DAPK1: variants seen among roughly 807,000 people sequenced by gnomAD.
DAPK1 encodes the protein death-associated protein kinase 1.
Under a neutral mutation model 144.9 loss-of-function variants are expected in DAPK1, and 56 were observed. The ratio of observed to expected loss-of-function variants is 0.39; its 90% CI spans 0.31 to 0.48. The LOEUF is 0.48. Ranked by LOEUF, DAPK1 falls within the 20% of genes least tolerant of loss-of-function variation. The pLI, the probability that DAPK1 is intolerant of heterozygous loss-of-function variation, is 0.95. For missense variants in DAPK1, 1,454 were observed against 1,875.4 expected, an observed-to-expected ratio of 0.78 and a Z score of 4.15; for synonymous variants, 690 against 749.0, an observed-to-expected ratio of 0.92 and a Z score of 1.29.
chr9:87,633,901 T>G (rs1829796750), intron 3 of DAPK1, among the ~76,000 whole-genome samples: 1 of 152,174 alleles, frequency 6.6e-6, no homozygotes, highest in Admixed American at 6.5e-5. Flanking sequence ...TATTAAGAAC[T>G]ATACTTAGGA....
In DAPK1 at chr9:87,706,415, C is replaced by T. The variant is rs1473844345; in HGVS notation, c.3344C>T (p.Ser1115Phe). 1.2e-6 allele frequency: 2 copies of T among 1,613,244 alleles called. No individual in the cohort carries two copies. Among genetic ancestry groups the T allele is most frequent in the Non-Finnish European group, 1.7e-6 (2 of 1,179,512 alleles). Residue 1115 changes from serine to phenylalanine, a missense_variant, in exon 26 of 26, where the codon TCC (serine) becomes TTC (phenylalanine). By Grantham distance (155) the Ser-to-Phe change is radical. Coordinates refer to ENST00000408954, the MANE Select transcript of DAPK1 (RefSeq NM_004938.4). This position sits in a 1 kb window ranked among gnomAD's most constrained non-coding sequence, Gnocchi z 9.0. ...ATCAAGACAGACAACCTGCACCGCT[C>T]CTGGGCTGATGAGGAGGACGAGGTG... ...ALIKTDNLHRSWADEEDEVMV... is the reference protein window; with the variant it reads ...ALIKTDNLHRFWADEEDEVMV...
At chr9:87,512,008 G>A (rs557327680) in intron 2 of DAPK1, among the ~76,000 whole-genome samples, 7 of 151,820 alleles carry the variant, frequency 4.6e-5, no homozygotes, top group African/African-American at 4.8e-5. Flanking sequence ...CACCACGCCC[G>A]GCCTGATTTT....
chr9:87,517,436 C>G (rs975755351), intron 2 of DAPK1, among the ~76,000 whole-genome samples: 3 of 152,082 alleles, frequency 2.0e-5, no homozygotes, highest in African/African-American at 7.2e-5. Context: ...CCCCACTGTT[C>G]TCTCCCCCAC....
In DAPK1 at chr9:87,604,993, C is replaced by A. The variant is rs1328698228; in HGVS notation, c.102C>A (p.Ser34Arg). The A allele has an allele frequency of 1.1e-5, 18 of 1,614,132 alleles. No individual in the cohort carries two copies. The highest frequency in any genetic ancestry group is 1.4e-5 in the Non-Finnish European group (17 of 1,180,008). Residue 34 changes from serine to arginine, a missense_variant, in exon 3 of 26, where the codon AGC (serine) becomes AGA (arginine). This residue lies in a region of DAPK1 where 429 missense variants were observed against 637.5 expected (regional missense o/e 0.67). Transcript: ENST00000408954. Reference sequence around the variant, plus strand: ...TTGTGAAGAAATGCCGTGAGAAAAGCACCGGCCTCCAGTATGCCGCCAAAT... The same window carrying A: ...TTGTGAAGAAATGCCGTGAGAAAAGAACCGGCCTCCAGTATGCCGCCAAAT... ...FAVVKKCREK[S>R]TGLQYAAKFI...
Position 87,698,658 on chromosome 9 carries a change from TTCGGTGGCAA to T in DAPK1, c.2615_2624del (p.Phe872CysfsTer2), listed in dbSNP as rs763124644. On this transcript the variant is annotated frameshift_variant, in exon 23 of 26. Transcript: ENST00000408954. LOFTEE classifies it high-confidence loss of function. ...AGCAGTTCCCTCTCTGCCCCCAGCCTTCGGTGGCAAGCTGAAGAACCCACTCCAAGTTGTC... is the reference window on the plus strand; with the variant it reads ...AGCAGTTCCCTCTCTGCCCCCAGCCTGCTGAAGAACCCACTCCAAGTTGTC... 1 of 1,603,176 alleles carries T rather than the reference TTCGGTGGCAA, an allele frequency of 6.2e-7. No individual in the cohort carries two copies. The highest frequency in any genetic ancestry group is 1.7e-5 in the Admixed American group (1 of 59,966).
chr9:87,570,194 A>G (rs1827278326), intron 2 of DAPK1, among the ~76,000 whole-genome samples: 1 of 152,138 alleles, frequency 6.6e-6, no homozygotes, highest in South Asian at 2.1e-4. Flanking sequence ...AATATTACTA[A>G]AGCTTTTATG....
chr9:87,569,095 A>G (rs1827240002), intron 2 of DAPK1, among the ~76,000 whole-genome samples: 1 of 152,184 alleles, frequency 6.6e-6, no homozygotes, highest in Non-Finnish European at 1.5e-5. Flanking sequence ...AGTGGTTCTC[A>G]GCCTTGGCTG....
chr9:87,614,730 G>T (rs1829038209), intron 3 of DAPK1, among the ~76,000 whole-genome samples: 1 of 152,168 alleles, frequency 6.6e-6, no homozygotes, highest in African/African-American at 2.4e-5. Context: ...GCTCCAGTAT[G>T]TTCCCCATCC....
intron 17 of DAPK1, among the ~76,000 whole-genome samples, chr9:87,656,636 A>C (rs994941528): frequency 6.6e-6 from 1 of 152,204 alleles, no homozygotes; most frequent in South Asian, 2.1e-4. Flanking sequence ...ACTAGCCGGG[A>C]ATTGGAGCTG....
chr9:87,646,570 T>C lies in DAPK1; in HGVS notation c.1230+11T>C. 1 of 1,592,594 alleles carries C rather than the reference T, an allele frequency of 6.3e-7. No homozygotes were observed. On this transcript the variant is annotated intron_variant, in intron 13 of 25. Transcript: ENST00000408954. ...GATGTCCAGGATAAGGTCATAATTG[T>C]TTTATTGAAATGAATTGAATTTTAA...
At chr9:87,594,372 G>A (rs536714530) in intron 2 of DAPK1, among the ~76,000 whole-genome samples, 68 of 152,286 alleles carry the variant, frequency 4.5e-4, no homozygotes, top group African/African-American at 1.5e-3. Context: ...CCTTTAGCTG[G>A]AGCCAGGGTC....
intron 3 of DAPK1, among the ~76,000 whole-genome samples, chr9:87,631,193 G>C (rs1829675994): frequency 6.6e-6 from 1 of 152,152 alleles, no homozygotes; most frequent in Non-Finnish European, 1.5e-5. Context: ...GGGGTAATTA[G>C]TATGTAGACA....
chr9:87,561,704 T>C (rs1826932379), intron 2 of DAPK1, among the ~76,000 whole-genome samples: 1 of 152,092 alleles, frequency 6.6e-6, no homozygotes, highest in African/African-American at 2.4e-5. Flanking sequence ...TGCATTTGGG[T>C]GCTAGAAATG....
chr9:87,650,164 G>A (rs760862784), intron 16 of DAPK1, 46 bp downstream of exon 16: 36 of 1,596,098 alleles, frequency 2.3e-5, no homozygotes, highest in Admixed American at 8.4e-5. Context: ...GTGATCTAGG[G>A]GTCTAGAGGG....
At chr9:87,699,231 G>A (rs754573943) in intron 23 of DAPK1, among the ~76,000 whole-genome samples, 34 of 152,182 alleles carry the variant, frequency 2.2e-4, no homozygotes, top group Admixed American at 1.8e-3. Context: ...TGAAGAGCAC[G>A]TGATGAAAGC....
At chr9:87,592,338 C>CTG (rs1828168192) in intron 2 of DAPK1, among the ~76,000 whole-genome samples, 1 of 152,234 alleles carries the variant, frequency 6.6e-6, no homozygotes, top group Non-Finnish European at 1.5e-5. Flanking sequence ...CCATTTCACC[C>CTG]CCTTCCCTGC....
At chr9:87,681,699 G>C (rs146560796) in intron 20 of DAPK1, 73 bp downstream of exon 20, 50 of 808,466 alleles carry the variant, frequency 6.2e-5, no homozygotes, top group African/African-American at 3.9e-4. Context: ...CAAGGTCTAG[G>C]GGGGAAGGGA....
At chr9:87,642,718 C>CA (rs1480584825) in intron 10 of DAPK1, among the ~76,000 whole-genome samples, 1 of 152,162 alleles carries the variant, frequency 6.6e-6, no homozygotes, top group African/African-American at 2.4e-5. Flanking sequence ...CTCGTTTTCA[C>CA]ACCTACCAAT....
chr9:87,573,217 T>C (rs1474281031), intron 2 of DAPK1, among the ~76,000 whole-genome samples: 3 of 152,218 alleles, frequency 2.0e-5, no homozygotes, highest in African/African-American at 7.2e-5. Context: ...GTGTCTTTCC[T>C]TCTTGCTGAC....
Sources: gnomAD v4.1 joint callset for allele counts (sites outside exome capture counted in the v4.1 genomes callset) on GRCh38, gnomAD v4.1.1 for gene constraint, gnomAD v4.1.1 regional missense constraint, Gnocchi (gnomAD v3.1) non-coding constraint, MANE v1.5 for transcripts, NCBI Gene and HGNC (gene_info 2026-07-23, HGNC 2026-07-21) for gene names.